Variants in PCDH9 observed in about 807,000 individuals in gnomAD.
PCDH9 encodes the protein protocadherin-9.
In PCDH9, 24 loss-of-function variants were observed where a neutral mutation model predicts 70.6. The ratio of observed to expected loss-of-function variants is 0.34; its 90% confidence interval spans 0.25 to 0.48. PCDH9 has a LOEUF of 0.48. Ranked by LOEUF, PCDH9 falls within the 20% of genes least tolerant of loss-of-function variation. PCDH9 has a pLI of 0.99. For missense variants in PCDH9, 1,281 were observed against 1,503.6 expected (o/e 0.85, Z 2.45); for synonymous variants, 562 against 558.5 (o/e 1.01, Z -0.09).
chr13:67,060,291 T>G (rs964751032), intron 2 of PCDH9, among the ~76,000 whole-genome samples: 1 of 152,112 alleles, frequency 6.6e-6, no homozygotes, highest in African/African-American at 2.4e-5. Context: ...TATGCATTAT[T>G]ACTCCCATTT....
intron 2 of PCDH9, among the ~76,000 whole-genome samples, chr13:67,200,827 T>C (rs2089192379): frequency 6.6e-6 from 1 of 152,042 alleles, no homozygotes; most frequent in Non-Finnish European, 1.5e-5. Context: ...AGGTTCCACA[T>C]GTGTGAGCAA....
chr13:67,207,076 C>G (rs2089367140), intron 2 of PCDH9: 1 of 151,396 alleles, frequency 6.6e-6, no homozygotes, highest in Non-Finnish European at 1.5e-5. Context: ...AAAGTATCTC[C>G]CCATGTCTCA....
intron 2 of PCDH9, among the ~76,000 whole-genome samples, chr13:67,178,859 G>A (rs915774158): frequency 6.6e-6 from 1 of 151,988 alleles, no homozygotes; most frequent in African/African-American, 2.4e-5. Context: ...ACCTCATCCA[G>A]GAGAAAGACT....
chr13:66,938,377 G>T (rs1033964384), intron 2 of PCDH9, among the ~76,000 whole-genome samples: 2 of 152,154 alleles, frequency 1.3e-5, no homozygotes, highest in Non-Finnish European at 1.5e-5. Flanking sequence ...ACCGAAGTTT[G>T]CAAGATGCAA....
At chr13:66,597,047 C>A (rs2077112675) in intron 4 of PCDH9, among the ~76,000 whole-genome samples, 2 of 151,410 alleles carry the variant, frequency 1.3e-5, no homozygotes, top group Admixed American at 1.3e-4. Flanking sequence ...ATCAATAAAC[C>A]TTTTCTCATT....
At chr13:67,043,743 C>T (rs544138955) in intron 2 of PCDH9, among the ~76,000 whole-genome samples, 6 of 152,174 alleles carry the variant, frequency 3.9e-5, no homozygotes, top group African/African-American at 1.4e-4. Flanking sequence ...AAATGGCCAG[C>T]CGAGCTCTGT....
At chr13:66,461,884 G>C (rs1017023353) in intron 4 of PCDH9, among the ~76,000 whole-genome samples, 68 of 151,724 alleles carry the variant, frequency 4.5e-4, no homozygotes, top group African/African-American at 1.5e-3. Flanking sequence ...TCATACAAAT[G>C]AATAGATGTT....
At chr13:66,998,660 T>C (rs2084172623) in intron 2 of PCDH9, among the ~76,000 whole-genome samples, 1 of 152,166 alleles carries the variant, frequency 6.6e-6, no homozygotes, top group Non-Finnish European at 1.5e-5. Flanking sequence ...CTCTTCCTCA[T>C]AGTTAGCCAG....
At position 66,586,366 on chromosome 13, in the gene PCDH9, A is replaced by G. The variant is rs182709851; in HGVS notation, c.3340+44844T>C. ...TTATTTTAATTGATTCTAATTTTCA[A>G]TCCAAGCAATGGTTTTTTGAAGAAA... On this transcript the variant is annotated intron_variant, in intron 4 of 4. Coordinates refer to ENST00000377865, the MANE Select transcript of PCDH9 (RefSeq NM_203487.3). Among the ~76,000 whole-genome samples the G allele has an allele frequency of 9.3e-4, 142 of 152,288 alleles. 1 individual carries two copies. In the East Asian group the frequency reaches 0.026, roughly 28 times the overall value.
At chr13:67,143,451 G>A (rs751860171) in intron 2 of PCDH9, among the ~76,000 whole-genome samples, 4 of 152,110 alleles carry the variant, frequency 2.6e-5, no homozygotes, top group African/African-American at 7.2e-5. Context: ...AAATGCAGAT[G>A]AGCATAAGAT....
At chr13:66,470,429 A>G (rs2138479801) in intron 4 of PCDH9, among the ~76,000 whole-genome samples, 1 of 152,284 alleles carries the variant, frequency 6.6e-6, no homozygotes, top group African/African-American at 2.4e-5. Flanking sequence ...CAATTCCCTA[A>G]GTACGTTAGT....
At chr13:66,796,991 A>T (rs1000556389) in intron 3 of PCDH9, among the ~76,000 whole-genome samples, 1 of 152,134 alleles carries the variant, frequency 6.6e-6, no homozygotes, top group Non-Finnish European at 1.5e-5. Flanking sequence ...GAGAAAACAA[A>T]GCAGTGAAAT....
At chr13:66,638,252 C>G (rs1339907452) in intron 3 of PCDH9, among the ~76,000 whole-genome samples, 1 of 152,124 alleles carries the variant, frequency 6.6e-6, no homozygotes, top group Admixed American at 6.5e-5. Flanking sequence ...ATTGTTTTGA[C>G]CAGCAGCTGT....
At chr13:66,905,871 C>A (rs2082351780) in intron 2 of PCDH9, among the ~76,000 whole-genome samples, 1 of 152,152 alleles carries the variant, frequency 6.6e-6, no homozygotes, top group Non-Finnish European at 1.5e-5. Flanking sequence ...AGGATTTGCC[C>A]TGTAAAAGCA....
intron 4 of PCDH9, among the ~76,000 whole-genome samples, chr13:66,548,700 T>C (rs1339245323): frequency 6.6e-6 from 1 of 152,130 alleles, no homozygotes; most frequent in African/African-American, 2.4e-5. Context: ...AGGCCTACAT[T>C]TGAGCAAAAT....
intron 2 of PCDH9, among the ~76,000 whole-genome samples, chr13:67,072,322 C>A (rs1037936751): frequency 6.6e-6 from 1 of 152,098 alleles, no homozygotes; most frequent in African/African-American, 2.4e-5. Context: ...ACCCTATACC[C>A]AGAGGAAAGG....
chr13:66,977,342 T>G lies in PCDH9; in HGVS notation c.3037-73737A>C, dbSNP rs541770887. ...GCATTGCAGCCTGAATCATAGGCTG[T>G]ACTATAAACGGCAGCATATGGCTGG... On this transcript the variant is annotated intron_variant, in intron 2 of 4. Transcript: ENST00000377865. The G allele has an allele frequency of 4.6e-5, 7 of 152,108 alleles. No homozygotes were observed. In the South Asian group the frequency reaches 1.5e-3, roughly 32 times the overall value. The allele number at this position is 152,108 out of a possible 1,614,324, so 9.4% of individuals were successfully genotyped here. A position where few individuals can be genotyped will look rare whatever the true frequency, so the allele number is the denominator to read the frequency against.
rs1046934176 is a variant in PCDH9 at position 66,632,309 on chromosome 13, G to A, written c.3139-898C>T. Among the ~76,000 whole-genome samples, 18 of 152,210 alleles carry A rather than the reference G, an allele frequency of 1.2e-4. 1 individual carries two copies. The highest frequency in any genetic ancestry group is 1.1e-3 in the Admixed American group (17 of 15,282). ...TCAGGATCGACTGACTGAACTAGCTGTGCTAAAATTAGTATTTTAAATAAT... is the reference window on the plus strand; with the variant it reads ...TCAGGATCGACTGACTGAACTAGCTATGCTAAAATTAGTATTTTAAATAAT... On this transcript the variant is annotated intron_variant, in intron 3 of 4. Transcript: ENST00000377865.
chr13:66,941,376 A>T (rs926053500), intron 2 of PCDH9, among the ~76,000 whole-genome samples: 3 of 151,924 alleles, frequency 2.0e-5, no homozygotes, highest in Admixed American at 6.6e-5. Context: ...GATAACAAAC[A>T]GCAAGATGAT....
Sources: gnomAD v4.1 joint callset for allele counts (sites outside exome capture counted in the v4.1 genomes callset) on GRCh38, gnomAD v4.1.1 for gene constraint, MANE v1.5 for transcripts, NCBI Gene and HGNC (gene_info 2026-07-23, HGNC 2026-07-21) for gene names.